XPOT: variants seen among roughly 807,000 people sequenced by gnomAD.
XPOT encodes exportin for tRNA.
A neutral mutation model predicts 128.2 loss-of-function variants in XPOT; 34 were observed. The ratio of observed to expected loss-of-function variants is 0.27; its 90% confidence interval spans 0.20 to 0.35. The LOEUF (loss-of-function observed/expected upper bound fraction) is 0.35. Among genes scored for constraint, XPOT ranks in the 10% least tolerant of loss-of-function variants. The pLI is 1.00. For synonymous variants in XPOT, 348 were observed against 394.3 expected (o/e 0.88, Z 1.39); for missense variants, 838 against 1,125.3 (o/e 0.74, Z 3.65).
rs996195497 is a variant in XPOT, at chr12:64,431,789, T to C, written c.2228T>C (p.Ile743Thr). 3 of 1,613,816 alleles carry C rather than the reference T, an allele frequency of 1.9e-6. No individual in the cohort carries two copies. The African/African-American group carries it at 4.0e-5, about 22-fold the overall frequency. Residue 743 changes from isoleucine to threonine, a missense_variant, in exon 18 of 25, where the codon ATT becomes ACT. Physicochemically the swap from Ile to Thr is moderately conservative, Grantham distance 89. Transcript: ENST00000332707. ...DCEAKDLQEFIPLINQITAKF... is the reference protein window; with the variant it reads ...DCEAKDLQEFTPLINQITAKF... The stretch of plus-strand genomic sequence containing the variant: ...GAAGCAAAAGATCTCCAGGAGTTCA[T>C]TCCTCTTATCAACCAGATTACGGCC...
Position 64,410,054 on chromosome 12 carries a change from T to G in XPOT, c.19T>G (p.Leu7Val). 1.3e-5 allele frequency: 21 copies of G among 1,613,870 alleles called. No individual in the cohort carries two copies. Among genetic ancestry groups the G allele is most frequent in the Non-Finnish European group, 1.8e-5 (21 of 1,179,966 alleles). The change falls in exon 2 of 25, where the codon TTA becomes GTA. Residue 7 changes from leucine to valine, a missense_variant. Leu to Val is a conservative substitution (Grantham distance 32). Transcript: ENST00000332707. MDEQALLGLNPNADSDF... is the reference protein window; with the variant it reads MDEQALVGLNPNADSDF... ...AGCGAGGATGGATGAACAGGCTCTA[T>G]TAGGGCTAAATCCAAATGCTGATTC...
At chr12:64,429,996 A>G (rs2040225363) in intron 16 of XPOT, 53 bp from the exon 17 acceptor site, 5 of 1,472,068 alleles carry the variant, frequency 3.4e-6, no homozygotes, top group Non-Finnish European at 4.5e-6. Context: ...TTTCTCATTA[A>G]ATGAAGGGAA....
chr12:64,425,762 T>G, intron 14 of XPOT, 53 bp from the exon 15 acceptor site: 1 of 1,559,008 alleles, frequency 6.4e-7, no homozygotes, highest in Non-Finnish European at 8.8e-7. Flanking sequence ...CAGGACAATA[T>G]CAACAAAACC....
chr12:64,418,865 C>T lies in XPOT; in HGVS notation c.271-11C>T. On this transcript the variant is annotated splice_polypyrimidine_tract_variant and intron_variant, in intron 5 of 24. Transcript: ENST00000332707. ...ACATTTAATTTTATGGACTGTTTCTCTGTTTGTCAGATGCTGAATCCCCAA... is the reference window on the plus strand; with the variant it reads ...ACATTTAATTTTATGGACTGTTTCTTTGTTTGTCAGATGCTGAATCCCCAA... 6.2e-7 allele frequency: 1 copy of T among 1,612,130 alleles called. No individual in the cohort carries two copies. The highest frequency in any genetic ancestry group is 8.5e-7 in the Non-Finnish European group (1 of 1,178,956).
At chr12:64,444,722 T>G (rs1210919256) in intron 23 of XPOT, among the ~76,000 whole-genome samples, 1 of 152,204 alleles carries the variant, frequency 6.6e-6, no homozygotes, top group Non-Finnish European at 1.5e-5. Flanking sequence ...AGAAACCTGT[T>G]GTACAACAGT....
chr12:64,437,931 A>G (rs1388438433), intron 22 of XPOT, among the ~76,000 whole-genome samples: 1 of 152,204 alleles, frequency 6.6e-6, no homozygotes, highest in Non-Finnish European at 1.5e-5. Flanking sequence ...GTGAGCTGAG[A>G]TCGTGGCACT....
At chr12:64,448,004 A>G in intron 24 of XPOT, 101 bp from the exon 25 acceptor site, 1 of 1,066,526 alleles carries the variant, frequency 9.4e-7, no homozygotes, top group Non-Finnish European at 1.5e-6. Context: ...TTCTAATGTT[A>G]CAGAAGAACA....
chr12:64,434,412 G>T, intron 19 of XPOT, 95 bp from the exon 20 acceptor site: 1 of 773,128 alleles, frequency 1.3e-6, no homozygotes. Context: ...ACCTGTAAAT[G>T]ATTTTTGACT....
In XPOT at chr12:64,423,019, G is replaced by A. The variant is rs919373695; in HGVS notation, c.1095G>A (p.Ser365=). 3.7e-6 allele frequency: 6 copies of A among 1,613,232 alleles called. No homozygotes were observed. The highest frequency in any genetic ancestry group is 2.2e-5 in the East Asian group (1 of 44,846). Residue 365 remains serine, a synonymous_variant, in exon 10 of 25, where the codon TCG becomes TCA. Coordinates refer to ENST00000332707, the MANE Select transcript of XPOT (RefSeq NM_007235.6). ...LHILKQLTVL[S]DQQKANVEAI... ...CTTTTTAACAGCTTACAGTGCTCTCGGATCAGCAAAAAGCTAATGTAGAGG... is the reference window on the plus strand; with the variant it reads ...CTTTTTAACAGCTTACAGTGCTCTCAGATCAGCAAAAAGCTAATGTAGAGG...
At chr12:64,439,975 C>T (rs1164626306) in intron 23 of XPOT, among the ~76,000 whole-genome samples, 1 of 152,172 alleles carries the variant, frequency 6.6e-6, no homozygotes, top group Non-Finnish European at 1.5e-5. Flanking sequence ...AGAACACTTA[C>T]ATGAGATATA....
rs751897290 is a variant in XPOT at position 64,445,100 on chromosome 12, C to G, written c.2831C>G (p.Pro944Arg). 1 of 1,610,160 alleles carries G rather than the reference C, an allele frequency of 6.2e-7. No individual in the cohort carries two copies. Among genetic ancestry groups the G allele is most frequent in the African/African-American group, 1.3e-5 (1 of 74,754 alleles). Residue 944 changes from proline to arginine, a missense_variant, in exon 24 of 25, where the codon CCT becomes CGT. Physicochemically the swap from Pro to Arg is moderately radical, Grantham distance 103 (BLOSUM62 -2). Transcript: ENST00000332707. ...IQEFCQALQQ[P>R]DAKVFKNYLK... ...GAGTTTTGTCAAGCGCTTCAGCAGCCTGATGCTAAAGTTTTTAAAAATTAC... is the reference window on the plus strand; with the variant it reads ...GAGTTTTGTCAAGCGCTTCAGCAGCGTGATGCTAAAGTTTTTAAAAATTAC...
intron 1 of XPOT, among the ~76,000 whole-genome samples, chr12:64,407,132 C>G (rs1057010578): frequency 2.0e-5 from 3 of 152,100 alleles, no homozygotes; most frequent in Non-Finnish European, 4.4e-5. Context: ...AAATCCAAAA[C>G]CTATGCTCTA....
At chr12:64,439,469 A>G (rs10878172) in intron 23 of XPOT, among the ~76,000 whole-genome samples, 154 bp downstream of exon 23, 63,826 of 152,088 alleles carry the variant, frequency 0.42, 15,990 homozygotes, top group Non-Finnish European at 0.56. Flanking sequence ...CACCATTTTG[A>G]AATTATGAGT....
At position 64,418,061 on chromosome 12, in the gene XPOT, C is replaced by A; in HGVS notation, c.216C>A (p.Thr72=). ...HQVKYKYSEL[T]TVQQQLIRET... is the part of the protein sequence containing the mutation. ...TTTTGAACAGATACTCAGAACTAAC[C>A]ACTGTTCAACAACAGCTAATTAGGG... Residue 72 remains threonine (T), a synonymous_variant, in exon 5 of 25, where the codon ACC becomes ACA. Coordinates refer to ENST00000332707, the MANE Select transcript of XPOT (RefSeq NM_007235.6). The A allele has an allele frequency of 6.2e-7, 1 of 1,612,806 alleles. No homozygotes were observed. The highest frequency in any genetic ancestry group is 1.1e-5 in the South Asian group (1 of 90,824).
At chr12:64,413,696 G>A (rs2040061100) in intron 2 of XPOT, among the ~76,000 whole-genome samples, 1 of 152,060 alleles carries the variant, frequency 6.6e-6, no homozygotes, top group African/African-American at 2.4e-5. Flanking sequence ...TATAAATACA[G>A]TGGCTTTGAT....
intron 9 of XPOT, among the ~76,000 whole-genome samples, chr12:64,422,421 T>G (rs112464565): frequency 5.9e-5 from 9 of 152,146 alleles, no homozygotes; most frequent in Non-Finnish European, 1.2e-4. Context: ...CTCTTAATGG[T>G]TTTGTAGGCT....
At position 64,430,136 on chromosome 12, in the gene XPOT, C is replaced by G; in HGVS notation, c.1825C>G (p.Pro609Ala). 1.2e-6 allele frequency: 2 copies of G among 1,613,824 alleles called. No homozygotes were observed. Among genetic ancestry groups the G allele is most frequent in the Non-Finnish European group, 1.7e-6 (2 of 1,179,820 alleles). Residue 609 changes from proline (P) to alanine (A), a missense_variant, in exon 17 of 25, where the codon CCG becomes GCG. Around this residue, in one of 3 missense-constraint regions of XPOT, gnomAD observed 761 missense variants for 988.3 expected, o/e 0.77. Transcript: ENST00000332707. The stretch of plus-strand genomic sequence containing the variant: ...AGTGCTGATTGTTAATAGTGAATAT[C>G]CGGCAGAAAGGAAACAAGCCTTAAT... ...AGVLIVNSEY[P>A]AERKQALMRN...
At chr12:64,434,660 A>G in intron 20 of XPOT, 37 bp downstream of exon 20, 1 of 1,582,306 alleles carries the variant, frequency 6.3e-7, no homozygotes, top group Non-Finnish European at 8.7e-7. Flanking sequence ...CATTTCCCAA[A>G]CTCTTTCATA....
At chr12:64,438,076 G>C (rs1049362078) in intron 22 of XPOT, among the ~76,000 whole-genome samples, 1 of 152,166 alleles carries the variant, frequency 6.6e-6, no homozygotes, top group Non-Finnish European at 1.5e-5. Flanking sequence ...ATTGGATGGC[G>C]TTGTTTGGAT....
Sources: allele counts gnomAD v4.1 joint callset (sites outside exome capture counted in the v4.1 genomes callset), GRCh38; gene constraint gnomAD v4.1.1; regional missense constraint gnomAD v4.1.1; transcripts MANE v1.5; gene names NCBI Gene and HGNC (gene_info 2026-07-23, HGNC 2026-07-21).